Variants in ZRANB2 observed in about 807,000 individuals in gnomAD.
ZRANB2 encodes the protein zinc finger Ran-binding domain-containing protein 2.
In ZRANB2, 19 loss-of-function variants were observed where a neutral mutation model predicts 53.4. The observed-to-expected ratio is 0.36, with a 90% CI of 0.25 to 0.52. ZRANB2 has a LOEUF of 0.52. Ranked by LOEUF, ZRANB2 falls within the 20% of genes least tolerant of loss-of-function variation. The pLI is 0.93. For missense variants in ZRANB2, 309 were observed against 401.1 expected (o/e 0.77, Z 1.96); for synonymous variants, 145 against 134.8 (o/e 1.08, Z -0.52).
At position 71,063,760 on chromosome 1, in the gene ZRANB2, T is replaced by C. The variant is rs1007919861; in HGVS notation, c.*1314A>G. 1 of 152,402 alleles carries C rather than the reference T, an allele frequency of 6.6e-6. No individual in the cohort carries two copies. The highest frequency in any genetic ancestry group is 2.4e-5 in the African/African-American group (1 of 41,444). 9.4% of individuals were successfully genotyped at this position (152,402 alleles called of 1,614,324 possible). On this transcript the variant is annotated 3_prime_UTR_variant, in exon 10 of 10. Coordinates refer to ENST00000370920, the MANE Select transcript of ZRANB2 (RefSeq NM_203350.3). ...ATCAGCTGAAGAGAAAAACATTCAC[T>C]TTAAAGTAAAAACATATATTTTTGT...
Position 71,063,544 on chromosome 1 carries a change from A to T in ZRANB2, c.*1530T>A, listed in dbSNP as rs1239870139. On this transcript the variant is annotated 3_prime_UTR_variant, in exon 10 of 10. Transcript: ENST00000370920. Reference sequence around the variant, plus strand: ...AGAATAAACCAATGGTAACATGTAGAATCTAGATCGTCGGGGCAATTTAGA... The same window carrying T: ...AGAATAAACCAATGGTAACATGTAGTATCTAGATCGTCGGGGCAATTTAGA... The T allele has an allele frequency of 1.3e-5, 2 of 152,494 alleles. No individual in the cohort carries two copies. Among genetic ancestry groups the T allele is most frequent in the Non-Finnish European group, 2.9e-5 (2 of 67,906 alleles). The allele number at this position is 152,494 out of a possible 1,614,324, so 9.4% of individuals were successfully genotyped here.
chr1:71,065,034 G>T lies in ZRANB2; in HGVS notation c.*40C>A. 6.9e-7 allele frequency: 1 copy of T among 1,441,714 alleles called. No individual in the cohort carries two copies. Among genetic ancestry groups the T allele is most frequent in the African/African-American group, 1.4e-5 (1 of 70,238 alleles). 89.3% of individuals were successfully genotyped at this position (1,441,714 alleles called of 1,614,324 possible). ...CAACTTCTTTAAAAATATGCTTCAT[G>T]CACTGTACTGGATTTTTTTAAGATG... On this transcript the variant is annotated 3_prime_UTR_variant, in exon 10 of 10. Coordinates refer to ENST00000370920, the MANE Select transcript of ZRANB2 (RefSeq NM_203350.3).
chr1:71,074,870 A>G (rs897056985), intron 4 of ZRANB2, among the ~76,000 whole-genome samples: 15 of 152,176 alleles, frequency 9.9e-5, no homozygotes, highest in African/African-American at 3.6e-4. Flanking sequence ...AGCCAAAAGA[A>G]AGCGGAAAGC....
chr1:71,065,666 G>GTCAA, intron 9 of ZRANB2: 1 of 1,607,416 alleles, frequency 6.2e-7, no homozygotes, highest in South Asian at 1.1e-5. Flanking sequence ...GTATGAATAA[G>GTCAA]TCAATATCAA....
chr1:71,071,476 T>A (rs1244645372), intron 6 of ZRANB2, among the ~76,000 whole-genome samples: 1 of 152,146 alleles, frequency 6.6e-6, no homozygotes, highest in East Asian at 1.9e-4. Context: ...ACTGGCTTAT[T>A]ATTTCTTTAG....
Position 71,064,994 on chromosome 1 carries a change from G to A in ZRANB2, c.*80C>T. 2.0e-6 allele frequency: 2 copies of A among 998,762 alleles called. No homozygotes were observed. Among genetic ancestry groups the A allele is most frequent in the South Asian group, 1.6e-5 (1 of 63,890 alleles). 61.9% of individuals were successfully genotyped at this position (998,762 alleles called of 1,614,324 possible). On this transcript the variant is annotated 3_prime_UTR_variant, in exon 10 of 10. Coordinates refer to ENST00000370920, the MANE Select transcript of ZRANB2 (RefSeq NM_203350.3). The stretch of plus-strand genomic sequence containing the variant: ...CTCTACTAGCAGATTTAGCACTTCT[G>A]ACCAAGTAAGACACCAACTTCTTTA...
At chr1:71,068,617 G>A (rs1364471026) in intron 8 of ZRANB2, among the ~76,000 whole-genome samples, 2 of 152,064 alleles carry the variant, frequency 1.3e-5, no homozygotes, top group African/African-American at 4.8e-5. Context: ...AAAGGAAAAT[G>A]TATATACAGT....
chr1:71,074,474 G>A (rs186483749), intron 4 of ZRANB2, among the ~76,000 whole-genome samples: 20 of 152,152 alleles, frequency 1.3e-4, no homozygotes, highest in African/African-American at 3.9e-4. Context: ...GAAAAAAAGC[G>A]GGAAAGGGGG....
In ZRANB2 at chr1:71,081,008, C is replaced by T; in HGVS notation, c.-13G>A. 3.1e-6 allele frequency: 5 copies of T among 1,614,138 alleles called. No homozygotes were observed. The highest frequency in any genetic ancestry group is 3.4e-6 in the Non-Finnish European group (4 of 1,180,028). ...TCTTGGTCGACATCTTGAACGCCAC[C>T]AGCACAGCCACCCGCAGCTATGTCT... On this transcript the variant is annotated 5_prime_UTR_variant, in exon 1 of 10. Transcript: ENST00000370920.
intron 4 of ZRANB2, 117 bp downstream of exon 4, chr1:71,076,678 G>T: frequency 1.3e-6 from 1 of 767,174 alleles, no homozygotes; most frequent in Admixed American, 2.8e-5. Context: ...AAACATTCAG[G>T]GCAGAATAAA....
intron 7 of ZRANB2, among the ~76,000 whole-genome samples, chr1:71,070,541 AAATAT>A (rs1661570983): frequency 6.6e-6 from 1 of 152,154 alleles, no homozygotes; most frequent in South Asian, 2.1e-4. Context: ...TAGATTAATT[AAATAT>A]AAGTGTATAT....
intron 9 of ZRANB2, 92 bp downstream of exon 9, chr1:71,066,684 A>G (rs1661448104): frequency 2.2e-6 from 3 of 1,336,826 alleles, no homozygotes; most frequent in African/African-American, 1.5e-5. Flanking sequence ...AACACAAGAG[A>G]TAATAAAAAT....
At chr1:71,065,863 T>G (rs1336936423) in intron 9 of ZRANB2, 3 of 1,492,688 alleles carry the variant, frequency 2.0e-6, no homozygotes, top group Admixed American at 4.0e-5. Context: ...CAGAATGAAT[T>G]CCACTCAAAA....
At chr1:71,066,158 G>C (rs577946582) in intron 9 of ZRANB2, 4 of 160,682 alleles carry the variant, frequency 2.5e-5, no homozygotes, top group Non-Finnish European at 4.1e-5. Flanking sequence ...TAATTAGCCT[G>C]TTGCAGAAAA....
chr1:71,063,740 C>G lies in ZRANB2; in HGVS notation c.*1334G>C, dbSNP rs1023517518. ...TATCTTGCTTTCATTTTTAGATCAGCTGAAGAGAAAAACATTCACTTTAAA... is the reference window on the plus strand; with the variant it reads ...TATCTTGCTTTCATTTTTAGATCAGGTGAAGAGAAAAACATTCACTTTAAA... On this transcript the variant is annotated 3_prime_UTR_variant, in exon 10 of 10. Coordinates refer to ENST00000370920, the MANE Select transcript of ZRANB2 (RefSeq NM_203350.3). 4 of 152,250 alleles carry G rather than the reference C, an allele frequency of 2.6e-5. No individual in the cohort carries two copies. The highest frequency in any genetic ancestry group is 1.3e-4 in the Admixed American group (2 of 15,230). 9.4% of individuals were successfully genotyped at this position (152,250 alleles called of 1,614,324 possible).
intron 4 of ZRANB2, among the ~76,000 whole-genome samples, chr1:71,072,861 C>T (rs1471935337): frequency 2.0e-5 from 3 of 152,118 alleles, no homozygotes; most frequent in Non-Finnish European, 2.9e-5. Flanking sequence ...AAGGACTTTC[C>T]TCTACAGTTA....
At chr1:71,079,561 G>A (rs1036401374) in intron 1 of ZRANB2, among the ~76,000 whole-genome samples, 2 of 152,170 alleles carry the variant, frequency 1.3e-5, no homozygotes, top group African/African-American at 4.8e-5. Context: ...TTTAGGTTAA[G>A]TTTTTCCCCT....
chr1:71,068,058 T>C (rs1355046740), intron 8 of ZRANB2, among the ~76,000 whole-genome samples: 1 of 151,914 alleles, frequency 6.6e-6, no homozygotes, highest in African/African-American at 2.4e-5. Context: ...GTAGACGAGG[T>C]CTCACTATAT....
In ZRANB2 at chr1:71,066,913, C is replaced by A; in HGVS notation, c.792G>T (p.Arg264Ser). ...ATCTTTTTCGTGGGGAAGAAGAGCCCCTGTGGGACCTGGAGCTGGATCTTC... is the reference window on the plus strand; with the variant it reads ...ATCTTTTTCGTGGGGAAGAAGAGCCACTGTGGGACCTGGAGCTGGATCTTC... ...SKSRSSSRSH[R>S]GSSSPRKRSY... The change falls in exon 9 of 10, where the codon AGG (arginine) becomes AGT (serine). Residue 264 changes from arginine to serine, a missense_variant. Arg to Ser is a moderately radical substitution (Grantham distance 110). This residue lies in a region of ZRANB2 where 211 missense variants were observed against 196.1 expected (regional missense o/e 1.08). Transcript: ENST00000370920. The A allele has an allele frequency of 6.3e-7, 1 of 1,588,188 alleles. No individual in the cohort carries two copies. The highest frequency in any genetic ancestry group is 8.6e-7 in the Non-Finnish European group (1 of 1,168,390).
Sources: gnomAD v4.1 joint callset for allele counts (sites outside exome capture counted in the v4.1 genomes callset) on GRCh38, gnomAD v4.1.1 for gene constraint, gnomAD v4.1.1 regional missense constraint, MANE v1.5 for transcripts, NCBI Gene and HGNC (gene_info 2026-07-23, HGNC 2026-07-21) for gene names.